The following ACO2 variants were observed in gnomAD, a reference collection of about 807,000 sequenced individuals.
ACO2 encodes the protein aconitate hydratase, mitochondrial.
Under a neutral mutation model 84.5 loss-of-function variants are expected in ACO2, and 31 were observed. That is an observed-to-expected ratio of 0.37 (90% CI 0.28 to 0.50). ACO2 has a LOEUF of 0.50. Among genes scored for constraint, ACO2 ranks in the 20% least tolerant of loss-of-function variants. ACO2 has a pLI of 0.97. For synonymous variants in ACO2, 414 were observed against 412.7 expected (o/e 1.00, Z -0.04); for missense variants, 685 against 1,029.3 (o/e 0.67, Z 4.58).
rs1288038353 is a variant in ACO2, at chr22:41,520,060, GAA to G, written c.1033-109_1033-108del. On this transcript the variant is annotated intron_variant, in intron 8 of 17. Transcript: ENST00000216254. ...CCCTGTGATGAGGTTTCAGTCAAGA[GAA>G]AGTCGTTGGCCTCTCTGTGGGGACG... 4.5e-6 allele frequency: 4 copies of G among 889,272 alleles called. No individual in the cohort carries two copies. The African/African-American group carries it at 5.0e-5, about 11-fold the overall frequency. 55.1% of individuals were successfully genotyped at this position (889,272 alleles called of 1,614,324 possible).
chr22:41,520,067 G>A (rs1040410518), intron 8 of ACO2, 104 bp from the exon 9 acceptor site: 10 of 962,384 alleles, frequency 1.0e-5, no homozygotes, highest in Admixed American at 4.5e-5. Context: ...AGAGAAAGTC[G>A]TTGGCCTCTC....
chr22:41,485,669 T>A (rs1427857171), intron 1 of ACO2, among the ~76,000 whole-genome samples: 2 of 151,716 alleles, frequency 1.3e-5, no homozygotes, highest in Admixed American at 6.6e-5. Context: ...GGTCTCGATC[T>A]CCTGACCTTG....
chr22:41,487,260 C>T (rs1351580761), intron 1 of ACO2, among the ~76,000 whole-genome samples: 3 of 152,166 alleles, frequency 2.0e-5, no homozygotes, highest in Admixed American at 6.6e-5. Context: ...GGACTCCTTC[C>T]CCTAAAGCCC....
At position 41,506,944 on chromosome 22, in the gene ACO2, G is replaced by A. The variant is rs2066397657; in HGVS notation, c.174-847G>A. Reference sequence around the variant, plus strand: ...AGCCGGGAGTCAGCCGGAACGTTGAGCCTGGCAGGGAGAGTGGACCCGCGC... The same window carrying A: ...AGCCGGGAGTCAGCCGGAACGTTGAACCTGGCAGGGAGAGTGGACCCGCGC... On this transcript the variant is annotated intron_variant, in intron 2 of 17. Transcript: ENST00000216254. 2.0e-5 allele frequency among the ~76,000 whole-genome samples: 3 copies of A among 152,026 alleles called. No homozygotes were observed. In the South Asian group the frequency reaches 6.2e-4, roughly 32 times the overall value.
intron 1 of ACO2, among the ~76,000 whole-genome samples, chr22:41,490,977 A>T (rs927667212): frequency 6.6e-6 from 1 of 152,026 alleles, no homozygotes; most frequent in Non-Finnish European, 1.5e-5. Flanking sequence ...GGAGACAGAC[A>T]TCATCTCATG....
chr22:41,502,523 G>T (rs1198487226), intron 2 of ACO2, among the ~76,000 whole-genome samples: 4 of 152,206 alleles, frequency 2.6e-5, no homozygotes, highest in African/African-American at 9.6e-5. Flanking sequence ...AAAAGTGATA[G>T]ATTTTTCTTT....
chr22:41,494,171 T>C (rs2066294575), intron 1 of ACO2, among the ~76,000 whole-genome samples: 1 of 152,216 alleles, frequency 6.6e-6, no homozygotes, highest in Non-Finnish European at 1.5e-5. Flanking sequence ...TGTTTAACAC[T>C]GTGAAGTGTA....
chr22:41,527,137 A>C (rs1470220222), intron 15 of ACO2, 151 bp from the exon 16 acceptor site: 5 of 1,148,046 alleles, frequency 4.4e-6, no homozygotes, highest in Non-Finnish European at 4.9e-6. Context: ...ACTTGCCCTT[A>C]GGCAGCAGGC....
At chr22:41,523,969 T>C in intron 12 of ACO2, 28 bp downstream of exon 12, 1 of 1,601,358 alleles carries the variant, frequency 6.2e-7, no homozygotes, top group Non-Finnish European at 8.5e-7. Flanking sequence ...CGCACAAGCC[T>C]GGGATGGCCT....
At chr22:41,494,022 C>T (rs115045952) in intron 1 of ACO2, among the ~76,000 whole-genome samples, 1 of 152,060 alleles carries the variant, frequency 6.6e-6, no homozygotes, top group East Asian at 1.9e-4. Flanking sequence ...TCACACCAGA[C>T]AGCACAGATC....
chr22:41,506,077 G>T lies in ACO2; in HGVS notation c.174-1714G>T, dbSNP rs527246349. Among the ~76,000 whole-genome samples, 1,431 of 147,218 alleles carry T rather than the reference G, an allele frequency of 9.7e-3. 26 individuals are homozygous for T. Among genetic ancestry groups the T allele is most frequent in the African/African-American group, 0.033 (1,341 of 40,152 alleles). ...TAATAGGTCAGGTTTGGGCTTTTTT[G>T]TTTTTTTTTTGTTTGTTTGTTTTTA... On this transcript the variant is annotated intron_variant, in intron 2 of 17. Coordinates refer to ENST00000216254, the MANE Select transcript of ACO2 (RefSeq NM_001098.3).
chr22:41,490,249 C>CCGGGAGG (rs2066262315), intron 1 of ACO2, among the ~76,000 whole-genome samples: 1 of 152,154 alleles, frequency 6.6e-6, no homozygotes, highest in Admixed American at 6.5e-5. Context: ...TCGCTTAAAC[C>CCGGGAGG]CGGGAGGCGG....
intron 3 of ACO2, among the ~76,000 whole-genome samples, chr22:41,511,272 A>G (rs1373582383): frequency 6.6e-6 from 1 of 152,180 alleles, no homozygotes; most frequent in Non-Finnish European, 1.5e-5. Context: ...CCCAGGTTCA[A>G]CCAATTCTTG....
At chr22:41,489,996 G>C (rs932675463) in intron 1 of ACO2, among the ~76,000 whole-genome samples, 1 of 151,774 alleles carries the variant, frequency 6.6e-6, no homozygotes. Context: ...TTCTTTTTCT[G>C]ATTACAAAAG....
intron 6 of ACO2, 87 bp from the exon 7 acceptor site, chr22:41,517,439 TG>T: frequency 1.0e-6 from 1 of 1,001,988 alleles, no homozygotes; most frequent in Non-Finnish European, 1.5e-6. Context: ...TGCAGCTCCC[TG>T]GTGTGAAGAT....
At chr22:41,493,622 C>T (rs2066290482) in intron 1 of ACO2, among the ~76,000 whole-genome samples, 1 of 152,154 alleles carries the variant, frequency 6.6e-6, no homozygotes, top group Non-Finnish European at 1.5e-5. Context: ...TTCAATCTGG[C>T]AATTTAAAAT....
intron 2 of ACO2, among the ~76,000 whole-genome samples, chr22:41,503,672 GT>G (rs2066370458): frequency 6.6e-6 from 1 of 152,104 alleles, no homozygotes; most frequent in Non-Finnish European, 1.5e-5. Flanking sequence ...TCTCAACAAG[GT>G]GGGGGGTGGT....
intron 1 of ACO2, among the ~76,000 whole-genome samples, chr22:41,476,899 A>C: frequency 6.6e-6 from 1 of 151,594 alleles, no homozygotes; most frequent in South Asian, 2.1e-4. Flanking sequence ...CTGTAATCCC[A>C]GGACTTTGGG....
rs1404085379 is a variant in ACO2 at position 41,527,377 on chromosome 22, T to C, written c.2043T>C (p.Leu681=). ...ATGCAGCTCTGGAGCCTCGCCACCT[T>C]GGGGGCCGGGCCATCATCACCAAGA... ...REHAALEPRH[L]GGRAIITKSF... The change falls in exon 16 of 18, where the codon CTT becomes CTC. Residue 681 remains leucine (L), a synonymous_variant. Transcript: ENST00000216254. 6.2e-7 allele frequency: 1 copy of C among 1,613,708 alleles called. No individual in the cohort carries two copies. The highest frequency in any genetic ancestry group is 1.1e-5 in the South Asian group (1 of 91,058).
Sources: allele counts gnomAD v4.1 joint callset (sites outside exome capture counted in the v4.1 genomes callset), GRCh38; gene constraint gnomAD v4.1.1; transcripts MANE v1.5; gene names NCBI Gene and HGNC (gene_info 2026-07-23, HGNC 2026-07-21).